ANXA11: variants seen among roughly 807,000 people sequenced by gnomAD.
The protein encoded by ANXA11 is 56 kDa autoantigen.
A neutral mutation model predicts 64.7 loss-of-function variants in ANXA11; 57 were observed. That is an observed-to-expected ratio of 0.88 (90% CI 0.71 to 1.10). The LOEUF is 1.10. ANXA11 is among the 50% of genes least tolerant of loss of function. The probability of loss-of-function intolerance (pLI) is 0.00; values close to 1 mark genes in which losing one functional copy is unlikely to be tolerated. For synonymous variants in ANXA11, 260 were observed against 265.2 expected (o/e 0.98, Z 0.19); for missense variants, 675 against 670.7 (o/e 1.01, Z -0.07).
chr10:80,163,329 G>C lies in ANXA11; in HGVS notation c.1086+20C>G. 1 of 1,612,636 alleles carries C rather than the reference G, an allele frequency of 6.2e-7. No homozygotes were observed. The highest frequency in any genetic ancestry group is 8.5e-7 in the Non-Finnish European group (1 of 1,179,956). On this transcript the variant is annotated intron_variant, in intron 11 of 15. Transcript: ENST00000422982. Reference sequence around the variant, plus strand: ...GCATCCCTGCTTTAGGAAGTCCAGGGGCTTGGCCATCACACTCACCTGGGC... The same window carrying C: ...GCATCCCTGCTTTAGGAAGTCCAGGCGCTTGGCCATCACACTCACCTGGGC...
intron 8 of ANXA11, 36 bp downstream of exon 8, chr10:80,166,048 A>ACGCG (rs752511424): frequency 8.0e-5 from 30 of 375,020 alleles, no homozygotes; most frequent in Middle Eastern, 5.8e-4. Flanking sequence ...GCGCGCACAC[A>ACGCG]CACACACACA....
At chr10:80,172,016 C>A (rs572227723) in intron 3 of ANXA11, 2 of 711,274 alleles carry the variant, frequency 2.8e-6, no homozygotes, top group South Asian at 6.3e-5. Context: ...GCCTGCAGGT[C>A]TGGGGTGTTC....
rs1846862268 is a variant in ANXA11 at position 80,193,580 on chromosome 10, A to T, written c.-58+11763T>A. ...TTACTTCTGCCAGGCGCAATGGCTC[A>T]CATCTGTAATCCCAGCACTTTGGGA... On this transcript the variant is annotated intron_variant, in intron 1 of 15. Coordinates refer to ENST00000422982, the MANE Select transcript of ANXA11 (RefSeq NM_145868.2). 2.6e-5 allele frequency among the ~76,000 whole-genome samples: 4 copies of T among 152,130 alleles called. No homozygotes were observed. In the South Asian group the frequency reaches 8.3e-4, roughly 31 times the overall value.
chr10:80,205,092 C>T (rs1840612378), intron 1 of ANXA11, among the ~76,000 whole-genome samples: 1 of 151,958 alleles, frequency 6.6e-6, no homozygotes, highest in Admixed American at 6.5e-5. Context: ...ACGGCGAGTG[C>T]ACCCCGACCA....
intron 2 of ANXA11, among the ~76,000 whole-genome samples, chr10:80,175,735 A>G (rs1846145340): frequency 6.6e-6 from 1 of 152,218 alleles, no homozygotes; most frequent in African/African-American, 2.4e-5. Flanking sequence ...ACCTTCACCA[A>G]TGTGCTGAGG....
intron 5 of ANXA11, among the ~76,000 whole-genome samples, chr10:80,168,021 G>T (rs1354828023): frequency 3.3e-5 from 5 of 152,148 alleles, no homozygotes; most frequent in East Asian, 1.9e-4. Context: ...GTGGGGGAAC[G>T]TGTGGGTATG....
rs187044293 is a variant in ANXA11, at chr10:80,166,870, G to T, written c.744+20C>A. The T allele has an allele frequency of 2.6e-4, 417 of 1,581,114 alleles. No individual in the cohort carries two copies. The highest frequency in any genetic ancestry group is 1.4e-3 in the Admixed American group (82 of 57,540). Reference sequence around the variant, plus strand: ...CCCAGGACACGCCTCACTGTCCCGCGCCCCCACCCCGCAGCTCGCCTTGCC... The same window carrying T: ...CCCAGGACACGCCTCACTGTCCCGCTCCCCCACCCCGCAGCTCGCCTTGCC... On this transcript the variant is annotated intron_variant, in intron 7 of 15. Transcript: ENST00000422982.
intron 2 of ANXA11, among the ~76,000 whole-genome samples, chr10:80,175,316 G>A (rs868653690): frequency 7.2e-5 from 11 of 152,258 alleles, no homozygotes; most frequent in South Asian, 4.2e-4. Flanking sequence ...AGGAAGAGCC[G>A]GGATGGTGTC....
At chr10:80,164,316 GC>G (rs1845641087) in intron 8 of ANXA11, among the ~76,000 whole-genome samples, 173 bp from the exon 9 acceptor site, 1 of 152,136 alleles carries the variant, frequency 6.6e-6, no homozygotes, top group Non-Finnish European at 1.5e-5. Flanking sequence ...CTTCTCCACA[GC>G]CCGGGCAAGC....
intron 1 of ANXA11, chr10:80,204,911 A>G (rs1426094732): frequency 6.6e-6 from 1 of 152,200 alleles, no homozygotes; most frequent in Non-Finnish European, 1.5e-5. Context: ...TTCTCTGCTT[A>G]ATCTCCCCAA....
rs752485952 is a variant in ANXA11, at chr10:80,166,919, G to C, written c.715C>G (p.Leu239Val). 6.2e-7 allele frequency: 1 copy of C among 1,608,970 alleles called. No individual in the cohort carries two copies. Among genetic ancestry groups the C allele is most frequent in the Non-Finnish European group, 8.5e-7 (1 of 1,178,300 alleles). Residue 239 changes from leucine (L) to valine (V), a missense_variant, in exon 7 of 16, where the codon CTA (leucine) becomes GTA (valine). Physicochemically the swap from Leu to Val is conservative, Grantham distance 32 (BLOSUM62 1). Coordinates refer to ENST00000422982, the MANE Select transcript of ANXA11 (RefSeq NM_145868.2). The part of the protein sequence containing the change: ...SRSNKQRQQI[L>V]LSFKTAYGKD... The stretch of plus-strand genomic sequence containing the variant: ...CCGTAAGCCGTCTTGAAGGAAAGTA[G>C]GATCTGCTGCCGCTGCTTGTTGGAG...
At chr10:80,166,855 G>A (rs766251146) in intron 7 of ANXA11, 35 bp downstream of exon 7, 8 of 1,501,108 alleles carry the variant, frequency 5.3e-6, no homozygotes, top group East Asian at 2.4e-5. Context: ...CCCAGGACAC[G>A]CCTCACTGTC....
intron 3 of ANXA11, chr10:80,171,706 CG>C (rs1197845529): frequency 1.0e-6 from 1 of 985,506 alleles, no homozygotes; most frequent in East Asian, 1.1e-4. Flanking sequence ...AGCTTCGGAT[CG>C]GCTCTTCATC....
chr10:80,204,709 T>C (rs970933800), intron 1 of ANXA11: 5 of 152,476 alleles, frequency 3.3e-5, no homozygotes, highest in African/African-American at 1.2e-4. Flanking sequence ...CCATGGGAGA[T>C]ACAAGTCCAG....
At chr10:80,203,731 C>T (rs909083424) in intron 1 of ANXA11, among the ~76,000 whole-genome samples, 1 of 152,222 alleles carries the variant, frequency 6.6e-6, no homozygotes, top group African/African-American at 2.4e-5. Flanking sequence ...GAGCATATCC[C>T]GTCCCTCCTG....
chr10:80,204,373 G>A (rs1183851883), intron 1 of ANXA11, among the ~76,000 whole-genome samples: 1 of 152,252 alleles, frequency 6.6e-6, no homozygotes, highest in African/African-American at 2.4e-5. Context: ...GCCAGTGAAG[G>A]GTGAGCATAC....
chr10:80,164,975 T>C (rs1845666984), intron 8 of ANXA11, among the ~76,000 whole-genome samples: 1 of 152,186 alleles, frequency 6.6e-6, no homozygotes, highest in African/African-American at 2.4e-5. Flanking sequence ...GCATCCACTG[T>C]CCCCATTTCA....
chr10:80,156,465 G>C lies in ANXA11; in HGVS notation c.1459-553C>G, dbSNP rs1450763728. ...AGGGCAAGGCATGTGGCTTCTTCCA[G>C]ATGTCCATAGCTTGCTGGCATGCAG... On this transcript the variant is annotated intron_variant, in intron 15 of 15. Transcript: ENST00000422982. 6.4e-6 allele frequency: 3 copies of C among 471,568 alleles called. No individual in the cohort carries two copies. The East Asian group carries it at 2.1e-4, about 33-fold the overall frequency. The allele number at this position is 471,568 out of a possible 1,614,324, so 29.2% of individuals were successfully genotyped here.
intron 12 of ANXA11, among the ~76,000 whole-genome samples, chr10:80,160,021 G>C (rs1447252027): frequency 1.3e-5 from 2 of 152,196 alleles, no homozygotes; most frequent in Non-Finnish European, 2.9e-5. Flanking sequence ...CTCCTAGAGA[G>C]ACAGGTGGCA....
Sources: allele counts gnomAD v4.1 joint callset (sites outside exome capture counted in the v4.1 genomes callset), GRCh38; gene constraint gnomAD v4.1.1; transcripts MANE v1.5; gene names NCBI Gene and HGNC (gene_info 2026-07-23, HGNC 2026-07-21).